EEF2K: variants seen among roughly 807,000 people sequenced by gnomAD.
EEF2K encodes eukaryotic elongation factor 2 kinase.
Under a neutral mutation model 93.8 loss-of-function variants are expected in EEF2K, and 70 were observed. The observed-to-expected ratio is 0.75, with a 90% confidence interval of 0.62 to 0.91. The LOEUF (loss-of-function observed/expected upper bound fraction) is 0.91, where lower values mean the gene tolerates loss of function less well. EEF2K is among the 40% of genes least tolerant of loss of function. The pLI is 0.00. For synonymous variants in EEF2K, 376 were observed against 380.8 expected, an observed-to-expected ratio of 0.99 and a Z score of 0.15; for missense variants, 935 against 972.9, an observed-to-expected ratio of 0.96 and a Z score of 0.52.
chr16:22,246,257 C>T (rs1371333848), intron 3 of EEF2K, among the ~76,000 whole-genome samples: 1 of 152,236 alleles, frequency 6.6e-6, no homozygotes, highest in East Asian at 1.9e-4. Context: ...CATGGTGGCT[C>T]ATGCCTGTAA....
At chr16:22,227,576 G>A (rs754035514) in intron 2 of EEF2K, among the ~76,000 whole-genome samples, 1 of 152,252 alleles carries the variant, frequency 6.6e-6, no homozygotes, top group Middle Eastern at 3.4e-3. Flanking sequence ...AGGTGCCAGC[G>A]TGGGTACTTG....
intron 2 of EEF2K, among the ~76,000 whole-genome samples, chr16:22,239,683 C>A (rs911707299): frequency 3.3e-5 from 5 of 152,088 alleles, no homozygotes; most frequent in Non-Finnish European, 7.3e-5. Flanking sequence ...TGATGGCAAG[C>A]GCCTGTCATC....
chr16:22,248,686 G>C, intron 3 of EEF2K, 69 bp from the exon 4 acceptor site: 1 of 1,592,026 alleles, frequency 6.3e-7, no homozygotes, highest in Non-Finnish European at 8.6e-7. Context: ...AAGGGTCTTT[G>C]ACCTTTAGCC....
Position 22,282,867 on chromosome 16 carries a change from A to G in EEF2K, c.2069-1020A>G, listed in dbSNP as rs1260087124. ...AGTTACATCATGAATGAAGAGTTCA[A>G]CATATGAATTTGTGGATGGGGAGCC... On this transcript the variant is annotated intron_variant, in intron 17 of 17. Transcript: ENST00000263026. Among the ~76,000 whole-genome samples, 5 of 152,242 alleles carry G rather than the reference A, an allele frequency of 3.3e-5. No individual in the cohort carries two copies. The South Asian group carries it at 8.3e-4, about 25-fold the overall frequency.
intron 1 of EEF2K, among the ~76,000 whole-genome samples, chr16:22,214,212 G>C (rs2046939479): frequency 6.6e-6 from 1 of 152,158 alleles, no homozygotes; most frequent in African/African-American, 2.4e-5. Context: ...CAGGGGTACT[G>C]TTAGCTGACC....
chr16:22,266,534 A>T lies in EEF2K; in HGVS notation c.1575+10A>T. The T allele has an allele frequency of 8.1e-6, 13 of 1,613,910 alleles. No individual in the cohort carries two copies. The highest frequency in any genetic ancestry group is 1.1e-5 in the Non-Finnish European group (13 of 1,179,906). ...GTCCATTTTGGGGAAGGTATCGGCG[A>T]TGCCCATTTTGGAGCCCTGTCTGCA... On this transcript the variant is annotated intron_variant, in intron 14 of 17. Transcript: ENST00000263026.
At chr16:22,260,771 C>G (rs1029217932) in intron 11 of EEF2K, among the ~76,000 whole-genome samples, 1 of 152,312 alleles carries the variant, frequency 6.6e-6, no homozygotes, top group Admixed American at 6.5e-5. Flanking sequence ...GGAAGAGGGA[C>G]TCCCAGTCAG....
intron 15 of EEF2K, among the ~76,000 whole-genome samples, chr16:22,269,798 C>T (rs562293045): frequency 1.1e-4 from 16 of 152,270 alleles, no homozygotes; most frequent in South Asian, 4.1e-4. Context: ...GCCCAGTACA[C>T]GGTTTCCATA....
chr16:22,236,315 T>C (rs1216004698), intron 2 of EEF2K, among the ~76,000 whole-genome samples: 6 of 151,604 alleles, frequency 4.0e-5, no homozygotes, highest in Non-Finnish European at 8.8e-5. Context: ...GGGAGAGTAG[T>C]TGGGCTGTCT....
intron 13 of EEF2K, 105 bp from the exon 14 acceptor site, chr16:22,266,281 ACTCC>A: frequency 9.6e-6 from 14 of 1,457,914 alleles, no homozygotes; most frequent in Non-Finnish European, 1.3e-5. Flanking sequence ...GTGAGGGTTC[ACTCC>A]CCATCTCCCT....
chr16:22,232,701 C>T (rs1026988744), intron 2 of EEF2K, among the ~76,000 whole-genome samples: 2 of 152,106 alleles, frequency 1.3e-5, no homozygotes, highest in Non-Finnish European at 2.9e-5. Flanking sequence ...CTTGGTCCTG[C>T]GTAGTAGGAC....
intron 17 of EEF2K, 151 bp from the exon 18 acceptor site, chr16:22,283,736 C>T (rs1268635324): frequency 4.2e-6 from 3 of 716,270 alleles, no homozygotes; most frequent in Non-Finnish European, 7.1e-6. Flanking sequence ...TAGAGCCCCG[C>T]CCGGAACACC....
At chr16:22,236,710 C>T (rs1372787456) in intron 2 of EEF2K, among the ~76,000 whole-genome samples, 1 of 151,770 alleles carries the variant, frequency 6.6e-6, no homozygotes, top group African/African-American at 2.4e-5. Context: ...TTTGCAAACA[C>T]ATTGCCGGCA....
At chr16:22,283,793 C>G in intron 17 of EEF2K, 94 bp from the exon 18 acceptor site, 1 of 1,215,352 alleles carries the variant, frequency 8.2e-7, no homozygotes, top group East Asian at 2.5e-5. Flanking sequence ...AAGGAAACGT[C>G]AGGGTGTTCT....
At chr16:22,256,543 T>A (rs2047400655) in intron 6 of EEF2K, among the ~76,000 whole-genome samples, 1 of 152,168 alleles carries the variant, frequency 6.6e-6, no homozygotes, top group South Asian at 2.1e-4. Context: ...CCTAAAAATA[T>A]ATTTTTTTTA....
intron 2 of EEF2K, among the ~76,000 whole-genome samples, chr16:22,241,743 G>C (rs1173939133): frequency 6.7e-6 from 1 of 150,328 alleles, no homozygotes; most frequent in South Asian, 2.1e-4. Flanking sequence ...TTTGTCTTCT[G>C]TATTCTCCAA....
chr16:22,266,644 T>C (rs1559316), intron 14 of EEF2K, 44 bp from the exon 15 acceptor site: 191,872 of 1,586,164 alleles, frequency 0.12, 21,052 homozygotes, highest in African/African-American at 0.59. Flanking sequence ...GGTGCGGCTT[T>C]GGCCCGCCAG....
At chr16:22,257,181 G>C in intron 7 of EEF2K, 72 bp from the exon 8 acceptor site, 1 of 1,602,298 alleles carries the variant, frequency 6.2e-7, no homozygotes, top group Non-Finnish European at 8.5e-7. Flanking sequence ...AGCATGGGCA[G>C]AGGCGTGGCC....
In EEF2K at chr16:22,225,746, T is replaced by A. The variant is rs2047056098; in HGVS notation, c.17T>A (p.Leu6His). The change falls in exon 2 of 18, where the codon CTC becomes CAC. Residue 6 changes from leucine (L) to histidine (H), a missense_variant. Physicochemically the swap from Leu to His is moderately conservative, Grantham distance 99 (BLOSUM62 -3). Transcript: ENST00000263026. MADED[L>H]IFRLEGVDGG... is the part of the protein sequence containing the mutation. ...CCCAGGAACATGGCAGACGAAGATC[T>A]CATCTTCCGCCTGGAAGGCGTTGAT... is the stretch of plus-strand genomic sequence containing the variant. The A allele has an allele frequency of 1.2e-6, 2 of 1,613,988 alleles. No homozygotes were observed. The highest frequency in any genetic ancestry group is 8.5e-7 in the Non-Finnish European group (1 of 1,180,016).
Sources: gnomAD v4.1 joint callset for allele counts (sites outside exome capture counted in the v4.1 genomes callset) on GRCh38, gnomAD v4.1.1 for gene constraint, MANE v1.5 for transcripts, NCBI Gene and HGNC (gene_info 2026-07-23, HGNC 2026-07-21) for gene names.